Variants in C16orf95 observed in about 807,000 individuals in gnomAD.
C16orf95 encodes uncharacterized protein C16orf95.
In C16orf95, 41 loss-of-function variants were observed where a neutral mutation model predicts 32.1. That is an observed-to-expected ratio of 1.28 (90% CI 1.00 to 1.66). The LOEUF (loss-of-function observed/expected upper bound fraction) is 1.66, where lower values mean the gene tolerates loss of function less well. C16orf95 is among the 40% of genes most tolerant of loss of function. C16orf95 has a pLI of 0.00. For synonymous variants in C16orf95, 147 were observed against 128.9 expected, an observed-to-expected ratio of 1.14 and a Z score of -0.95; for missense variants, 399 against 325.9, an observed-to-expected ratio of 1.22 and a Z score of -1.73.
At chr16:87,309,037 C>G (rs1458509687) in intron 5 of C16orf95, among the ~76,000 whole-genome samples, 2 of 152,160 alleles carry the variant, frequency 1.3e-5, no homozygotes, top group African/African-American at 2.4e-5. Context: ...TCGCCTCATC[C>G]CTTCTTAAAT....
intron 5 of C16orf95, among the ~76,000 whole-genome samples, chr16:87,308,612 G>A (rs1911133734): frequency 6.6e-6 from 1 of 152,152 alleles, no homozygotes. Context: ...CTCTGCTCTT[G>A]TCCCATCCAC....
chr16:87,315,638 C>A, intron 2 of C16orf95, 134 bp downstream of exon 2: 1 of 678,970 alleles, frequency 1.5e-6, no homozygotes, highest in Non-Finnish European at 2.3e-6. Flanking sequence ...CCAGGGATAG[C>A]TCCTGCAACC....
chr16:87,315,747 G>A (rs942469110), intron 2 of C16orf95, 25 bp downstream of exon 2: 1 of 1,519,584 alleles, frequency 6.6e-7, no homozygotes, highest in Admixed American at 2.0e-5. Context: ...GTCAGGGCCA[G>A]TGGCTGAGGA....
At chr16:87,315,224 T>G in intron 2 of C16orf95, 128 bp from the exon 3 acceptor site, 1 of 982,430 alleles carries the variant, frequency 1.0e-6, no homozygotes, top group Non-Finnish European at 1.5e-6. Context: ...CAGCTCCTAC[T>G]GCAGCTTGGA....
chr16:87,309,213 T>C (rs1170409848), intron 5 of C16orf95, among the ~76,000 whole-genome samples: 1 of 152,158 alleles, frequency 6.6e-6, no homozygotes, highest in African/African-American at 2.4e-5. Flanking sequence ...GGGACTCTTT[T>C]TAAACTGATG....
At chr16:87,307,968 A>G (rs1215039057) in intron 5 of C16orf95, among the ~76,000 whole-genome samples, 1 of 152,130 alleles carries the variant, frequency 6.6e-6, no homozygotes, top group Non-Finnish European at 1.5e-5. Flanking sequence ...AAGATTTTTT[A>G]AGATTAGAAA....
At chr16:87,315,232 G>A in intron 2 of C16orf95, 136 bp from the exon 3 acceptor site, 1 of 920,996 alleles carries the variant, frequency 1.1e-6, no homozygotes, top group Non-Finnish European at 1.6e-6. Flanking sequence ...ACTGCAGCTT[G>A]GAAAGAGGCA....
At position 87,302,820 on chromosome 16, in the gene C16orf95, GT is replaced by G; in HGVS notation, c.*236del. The G allele has an allele frequency of 1.8e-6, 1 of 547,258 alleles. No homozygotes were observed. The highest frequency in any genetic ancestry group is 5.1e-4 in the Middle Eastern group (1 of 1,962). 33.9% of individuals were successfully genotyped at this position (547,258 alleles called of 1,614,324 possible). The stretch of plus-strand genomic sequence containing the variant: ...TCATTTAAGAGGTGGCCAGTTTAGA[GT>G]TTCACAAATAACATTTATTGACCAC... On this transcript the variant is annotated 3_prime_UTR_variant, in exon 7 of 7. Transcript: ENST00000567970.
At chr16:87,304,246 G>A (rs1328100417) in intron 6 of C16orf95, among the ~76,000 whole-genome samples, 1 of 142,324 alleles carries the variant, frequency 7.0e-6, no homozygotes, top group African/African-American at 2.6e-5. Context: ...CTGGGCTCAA[G>A]TGATCCTCCC....
At chr16:87,316,403 C>T (rs1904336967) in intron 1 of C16orf95, among the ~76,000 whole-genome samples, 1 of 152,158 alleles carries the variant, frequency 6.6e-6, no homozygotes, top group South Asian at 2.1e-4. Flanking sequence ...CCAGTGGGTG[C>T]AAAGCCCTGC....
chr16:87,308,456 G>A (rs897564487), intron 5 of C16orf95, among the ~76,000 whole-genome samples: 1 of 151,526 alleles, frequency 6.6e-6, no homozygotes, highest in African/African-American at 2.4e-5. Context: ...AAGCCTGGGT[G>A]ACAAAGTGAG....
rs1302443529 is a variant in C16orf95 at position 87,310,315 on chromosome 16, T to A, written c.496A>T (p.Ser166Cys). 6.5e-7 allele frequency: 1 copy of A among 1,536,092 alleles called. No individual in the cohort carries two copies. The highest frequency in any genetic ancestry group is 2.4e-5 in the East Asian group (1 of 40,916). ...GAGTTACCTTGGATGCCTTTCAAAC[T>A]CTGCTGCCTCCTGACTATCTAAAAG... Reference protein sequence around the residue: ...SQQQIVRRQQSLKGIQAPLLD... With the variant: ...SQQQIVRRQQCLKGIQAPLLD... Residue 166 changes from serine (S) to cysteine (C), a missense_variant, in exon 5 of 7, where the codon AGT becomes TGT. Transcript: ENST00000567970.
Position 87,317,262 on chromosome 16 carries a change from G to C in C16orf95, c.-20C>G. ...ACGCATATGGCTTCTTATGGCTGAC[G>C]CGCCCTTTCACACACACATCGTCCG... On this transcript the variant is annotated 5_prime_UTR_variant, in exon 1 of 7. Coordinates refer to ENST00000567970, the MANE Select transcript of C16orf95 (RefSeq NM_001195124.3). 6.6e-7 allele frequency: 1 copy of C among 1,507,062 alleles called. No individual in the cohort carries two copies. Among genetic ancestry groups the C allele is most frequent in the South Asian group, 1.2e-5 (1 of 80,688 alleles). The allele number at this position is 1,507,062 out of a possible 1,614,324, so 93.4% of individuals were successfully genotyped here.
At chr16:87,308,437 C>T (rs372605877) in intron 5 of C16orf95, among the ~76,000 whole-genome samples, 43 of 151,922 alleles carry the variant, frequency 2.8e-4, no homozygotes, top group African/African-American at 1.0e-3. Context: ...GCCGAGATTG[C>T]GCCACTGCAA....
At chr16:87,304,906 T>C (rs1350314536) in intron 6 of C16orf95, among the ~76,000 whole-genome samples, 3 of 152,204 alleles carry the variant, frequency 2.0e-5, no homozygotes, top group Admixed American at 6.5e-5. Context: ...TGCAATTGCA[T>C]GGAGGAGACA....
At chr16:87,306,717 G>C (rs1911047215) in intron 5 of C16orf95, among the ~76,000 whole-genome samples, 1 of 152,140 alleles carries the variant, frequency 6.6e-6, no homozygotes, top group African/African-American at 2.4e-5. Context: ...GGGAAGAACT[G>C]TCATAATTCT....
In C16orf95 at chr16:87,305,749, T is replaced by C; in HGVS notation, c.671A>G (p.Gln224Arg). 4 of 1,514,276 alleles carry C rather than the reference T, an allele frequency of 2.6e-6. No individual in the cohort carries two copies. The highest frequency in any genetic ancestry group is 3.5e-6 in the Non-Finnish European group (4 of 1,136,624). The allele number at this position is 1,514,276 out of a possible 1,614,324, so 93.8% of individuals were successfully genotyped here. The change falls in exon 6 of 7, where the codon CAG (glutamine) becomes CGG (arginine). Residue 224 changes from glutamine to arginine, a missense_variant. By Grantham distance (43) the Gln-to-Arg change is conservative. Transcript: ENST00000567970. The surrounding 1 kb of genome is among the most constrained non-coding windows in gnomAD (Gnocchi z 4.2). ...GGCCATGATGACCCTCGGGATGGCC[T>C]GGAGGAGGGTCAGGAGGCCGAGGGG... is the stretch of plus-strand genomic sequence containing the variant. ...LLPLGLLTLL[Q>R]AIPRVIMAIR... is the part of the protein sequence containing the mutation.
At chr16:87,304,763 C>CCTCCCG (rs1188809825) in intron 6 of C16orf95, among the ~76,000 whole-genome samples, 5 of 152,226 alleles carry the variant, frequency 3.3e-5, no homozygotes, top group African/African-American at 1.2e-4. Flanking sequence ...CAGGGGAGAG[C>CCTCCCG]CTCCCGCTCC....
intron 4 of C16orf95, 62 bp from the exon 5 acceptor site, chr16:87,310,395 T>A: frequency 6.7e-7 from 1 of 1,494,304 alleles, no homozygotes; most frequent in Non-Finnish European, 9.0e-7. Context: ...GAAGGCCTGG[T>A]GATTGGGACT....
Sources: gnomAD v4.1 joint callset for allele counts (sites outside exome capture counted in the v4.1 genomes callset) on GRCh38, gnomAD v4.1.1 for gene constraint, Gnocchi (gnomAD v3.1) non-coding constraint, MANE v1.5 for transcripts, NCBI Gene and HGNC (gene_info 2026-07-23, HGNC 2026-07-21) for gene names.